NEMP2: variants seen among roughly 807,000 people sequenced by gnomAD.
NEMP2 encodes UPF0571 transmembrane protein.
A neutral mutation model predicts 54.2 loss-of-function variants in NEMP2; 53 were observed. The ratio of observed to expected loss-of-function variants is 0.98; its 90% CI spans 0.78 to 1.23. The LOEUF is 1.23. Ranked by LOEUF, NEMP2 falls within the 50% of genes most tolerant of loss-of-function variation. The pLI is 0.00. For missense variants in NEMP2, 455 were observed against 511.3 expected (o/e 0.89, Z 1.06); for synonymous variants, 197 against 190.3 (o/e 1.04, Z -0.29).
At chr2:190,497,549 A>T in the NEMP2 span, 1 of 1,614,260 alleles carries the variant, frequency 6.2e-7, no homozygotes, top group Non-Finnish European at 8.5e-7. This position sits in a 1 kb window ranked among gnomAD's most constrained non-coding sequence, Gnocchi z 5.2. Context: ...CATTGAGCCC[A>T]GACTTCCACC....
chr2:190,557,776 G>C, the NEMP2 span, among the ~76,000 whole-genome samples: 1,089 of 152,232 alleles, frequency 7.2e-3, 10 homozygotes, highest in Non-Finnish European at 0.011. Flanking sequence ...CAGTGAGATA[G>C]CATCTCACGC....
chr2:190,427,226 C>G, the NEMP2 span, among the ~76,000 whole-genome samples: 1 of 152,240 alleles, frequency 6.6e-6, no homozygotes. Context: ...GGCCTCATTA[C>G]TGCCTAGCAG....
chr2:190,500,099 C>CCATCTAGA (rs1689950086), downstream of NEMP2: 1 of 1,614,078 alleles, frequency 6.2e-7, no homozygotes, highest in South Asian at 1.1e-5. The surrounding 1 kb of genome is among the most constrained non-coding windows in gnomAD (Gnocchi z 5.3). Context: ...ATCTAGAAAC[C>CCATCTAGA]AGCCATCCCC....
chr2:190,470,386 T>A, the NEMP2 span, among the ~76,000 whole-genome samples: 1 of 152,230 alleles, frequency 6.6e-6, no homozygotes, highest in Non-Finnish European at 1.5e-5. Context: ...TTTGCTTCAG[T>A]GTACTGTCTC....
the NEMP2 span, among the ~76,000 whole-genome samples, chr2:190,588,824 G>A: frequency 1.2e-4 from 18 of 152,248 alleles, 1 homozygote; most frequent in Admixed American, 1.1e-3. The surrounding 1 kb of genome is among the most constrained non-coding windows in gnomAD (Gnocchi z 5.0). Flanking sequence ...CTTATCAGAG[G>A]TGGCTGATAA....
At chr2:190,543,154 C>A in the NEMP2 span, among the ~76,000 whole-genome samples, 3 of 152,294 alleles carry the variant, frequency 2.0e-5, no homozygotes, top group East Asian at 3.9e-4. The surrounding 1 kb of genome is among the most constrained non-coding windows in gnomAD (Gnocchi z 4.7). Flanking sequence ...TAATAAATAA[C>A]CAGAGTGCCA....
Position 190,528,059 on chromosome 2 carries a change from C to A in NEMP2, c.98-2681G>T, listed in dbSNP as rs985774398. Among the ~76,000 whole-genome samples, 6 of 152,100 alleles carry A rather than the reference C, an allele frequency of 3.9e-5. No homozygotes were observed. The highest frequency in any genetic ancestry group is 8.8e-5 in the Non-Finnish European group (6 of 68,018). On this transcript the variant is annotated intron_variant, in intron 1 of 8. Transcript: ENST00000409150. The surrounding 1 kb of genome is among the most constrained non-coding windows in gnomAD (Gnocchi z 4.3). ...CATGCTCCTGCATGGTGTGTCCATG[C>A]ACAAGAGCCAAAAGAAGAATTCACA...
At chr2:190,638,261 C>T in the NEMP2 span, among the ~76,000 whole-genome samples, 1 of 152,304 alleles carries the variant, frequency 6.6e-6, no homozygotes, top group Non-Finnish European at 1.5e-5. This position sits in a 1 kb window ranked among gnomAD's most constrained non-coding sequence, Gnocchi z 5.7. Flanking sequence ...ATTGTCCTCA[C>T]ATTGTCCATC....
At chr2:190,501,610 A>T (rs556300275), downstream of NEMP2, 1 of 152,536 alleles carries the variant, frequency 6.6e-6, no homozygotes, top group African/African-American at 2.4e-5. Flanking sequence ...AACTCACCTT[A>T]CCCTCTGACC....
chr2:190,556,136 AGTTG>A, the NEMP2 span, among the ~76,000 whole-genome samples: 1 of 152,360 alleles, frequency 6.6e-6, no homozygotes, highest in Admixed American at 6.5e-5. Context: ...ACCATGATCA[AGTTG>A]GCTTCATCCC....
rs1690468476 is a variant in NEMP2, at chr2:190,514,198, ACT to A, written c.953+253_953+254del. Among the ~76,000 whole-genome samples, 1 of 152,094 alleles carries A rather than the reference ACT, an allele frequency of 6.6e-6. No individual in the cohort carries two copies. The highest frequency in any genetic ancestry group is 1.5e-5 in the Non-Finnish European group (1 of 68,020). On this transcript the variant is annotated intron_variant, in intron 7 of 8. Transcript: ENST00000409150. The surrounding 1 kb of genome is among the most constrained non-coding windows in gnomAD (Gnocchi z 5.7). The stretch of plus-strand genomic sequence containing the variant: ...CAGAGTCCAAGTACTTCTGCCATTG[ACT>A]CTAGTGAATTCTGAGTGAGCTCTAA...
the NEMP2 span, among the ~76,000 whole-genome samples, chr2:190,422,211 A>G: frequency 6.6e-6 from 1 of 152,176 alleles, no homozygotes; most frequent in African/African-American, 2.4e-5. Context: ...ATTTCCTCTT[A>G]GGACATTCAG....
At chr2:190,615,966 G>C in the NEMP2 span, among the ~76,000 whole-genome samples, 21 of 152,266 alleles carry the variant, frequency 1.4e-4, no homozygotes, top group East Asian at 1.4e-3. This position sits in a 1 kb window ranked among gnomAD's most constrained non-coding sequence, Gnocchi z 4.7. Flanking sequence ...ATTCTCACCA[G>C]GCCCATTCCC....
At chr2:190,429,910 A>G in the NEMP2 span, among the ~76,000 whole-genome samples, 1 of 151,958 alleles carries the variant, frequency 6.6e-6, no homozygotes, top group Admixed American at 6.5e-5. Context: ...GATTTGATAC[A>G]TATGTATACA....
chr2:190,537,565 T>A (rs1417776744), upstream of NEMP2, among the ~76,000 whole-genome samples: 1 of 152,168 alleles, frequency 6.6e-6, no homozygotes, highest in Non-Finnish European at 1.5e-5. Flanking sequence ...GAACTGTGAG[T>A]CAATTAAACC....
At chr2:190,543,041 A>T in the NEMP2 span, among the ~76,000 whole-genome samples, 8 of 152,072 alleles carry the variant, frequency 5.3e-5, no homozygotes, top group Non-Finnish European at 1.2e-4. This position sits in a 1 kb window ranked among gnomAD's most constrained non-coding sequence, Gnocchi z 4.7. Context: ...GTTTGCTCAG[A>T]TTCTTTGTAA....
the NEMP2 span, among the ~76,000 whole-genome samples, chr2:190,479,865 T>C: frequency 6.6e-6 from 1 of 152,226 alleles, no homozygotes; most frequent in Non-Finnish European, 1.5e-5. Context: ...AGATGTTTTT[T>C]TTAATGTCAT....
chr2:190,567,465 C>T, the NEMP2 span, among the ~76,000 whole-genome samples: 1 of 151,958 alleles, frequency 6.6e-6, no homozygotes, highest in Non-Finnish European at 1.5e-5. The surrounding 1 kb of genome is among the most constrained non-coding windows in gnomAD (Gnocchi z 4.0). Context: ...CACCAAGGCA[C>T]ATCATTGAGA....
the NEMP2 span, chr2:190,436,373 T>A: frequency 6.2e-7 from 1 of 1,614,250 alleles, no homozygotes; most frequent in South Asian, 1.1e-5. The surrounding 1 kb of genome is among the most constrained non-coding windows in gnomAD (Gnocchi z 5.3). Context: ...TTCATTGAAT[T>A]CTGCAGTGCC....
Sources: gnomAD v4.1 joint callset for allele counts (sites outside exome capture counted in the v4.1 genomes callset) on GRCh38, gnomAD v4.1.1 for gene constraint, Gnocchi (gnomAD v3.1) non-coding constraint, MANE v1.5 for transcripts, NCBI Gene and HGNC (gene_info 2026-07-23, HGNC 2026-07-21) for gene names.